The following VAV2 variants were observed in gnomAD, a reference collection of about 807,000 sequenced individuals.
VAV2 encodes the protein guanine nucleotide exchange factor VAV2.
A neutral mutation model predicts 132.5 loss-of-function variants in VAV2; 67 were observed. That is an observed-to-expected ratio of 0.51 (90% CI 0.42 to 0.62). The LOEUF is 0.62. Ranked by LOEUF, VAV2 falls within the 20% of genes least tolerant of loss-of-function variation. The probability of loss-of-function intolerance (pLI) is 0.00; values close to 1 mark genes in which losing one functional copy is unlikely to be tolerated. For missense variants in VAV2, 938 were observed against 1,153.6 expected, an observed-to-expected ratio of 0.81 and a Z score of 2.71; for synonymous variants, 492 against 443.5, an observed-to-expected ratio of 1.11 and a Z score of -1.37.
chr9:133,795,631 AC>A, intron 12 of VAV2, 36 bp downstream of exon 12: 6 of 1,611,058 alleles, frequency 3.7e-6, no homozygotes, highest in Non-Finnish European at 5.1e-6. Flanking sequence ...GCTAAGCCAG[AC>A]GGTGGCTTCT....
At chr9:133,904,479 C>T (rs765994868) in intron 2 of VAV2, among the ~76,000 whole-genome samples, 3 of 152,344 alleles carry the variant, frequency 2.0e-5, no homozygotes, top group South Asian at 2.1e-4. Flanking sequence ...ACGTGGAATT[C>T]GATGAGTGAG....
At chr9:133,954,798 T>G (rs1328663306) in intron 1 of VAV2, among the ~76,000 whole-genome samples, 1 of 152,104 alleles carries the variant, frequency 6.6e-6, no homozygotes, top group African/African-American at 2.4e-5. Flanking sequence ...ATGCTCATGA[T>G]GTATGTACCA....
intron 4 of VAV2, among the ~76,000 whole-genome samples, chr9:133,818,411 T>C (rs1322694712): frequency 2.0e-5 from 3 of 150,934 alleles, no homozygotes; most frequent in Non-Finnish European, 2.9e-5. Flanking sequence ...CTTCTGAAGT[T>C]GAGACATCCA....
intron 2 of VAV2, among the ~76,000 whole-genome samples, chr9:133,933,730 G>GTGGACGGA (rs1554812028): frequency 7.5e-6 from 1 of 132,582 alleles, no homozygotes; most frequent in South Asian, 2.6e-4. Flanking sequence ...TGGATGGATG[G>GTGGACGGA]TGGATGAATG....
intron 1 of VAV2, among the ~76,000 whole-genome samples, chr9:133,973,954 C>A (rs1842424234): frequency 6.6e-6 from 1 of 152,214 alleles, no homozygotes; most frequent in Non-Finnish European, 1.5e-5. Flanking sequence ...CAGGATCCAG[C>A]AGGTCAGAGT....
At position 133,918,490 on chromosome 9, in the gene VAV2, G is replaced by C. The variant is rs961691222; in HGVS notation, c.321+20613C>G. Reference sequence around the variant, plus strand: ...TCGGTGGCACCCATTGTAAGAGTCAGCCTGGAATCTCTGAGCCCCAACTAG... The same window carrying C: ...TCGGTGGCACCCATTGTAAGAGTCACCCTGGAATCTCTGAGCCCCAACTAG... On this transcript the variant is annotated intron_variant, in intron 2 of 29. Transcript: ENST00000371850. The surrounding 1 kb of genome is among the most constrained non-coding windows in gnomAD (Gnocchi z 4.7). Among the ~76,000 whole-genome samples, 2 of 145,524 alleles carry C rather than the reference G, an allele frequency of 1.4e-5. No individual in the cohort carries two copies. Among genetic ancestry groups the C allele is most frequent in the Admixed American group, 1.3e-4 (2 of 14,986 alleles).
rs911853669 is a variant in VAV2 at position 133,824,796 on chromosome 9, C to T, written c.449+9476G>A. 5.9e-5 allele frequency among the ~76,000 whole-genome samples: 9 copies of T among 152,202 alleles called. No individual in the cohort carries two copies. The highest frequency in any genetic ancestry group is 2.2e-4 in the African/African-American group (9 of 41,462). ...AGACAGAGCTGGGCTCAAATTGCAG[C>T]TCTGCCCCCTAGTTCTGTACGACTC... is the stretch of plus-strand genomic sequence containing the variant. On this transcript the variant is annotated intron_variant, in intron 4 of 29. Coordinates refer to ENST00000371850, the MANE Select transcript of VAV2 (RefSeq NM_001134398.2). This position sits in a 1 kb window ranked among gnomAD's most constrained non-coding sequence, Gnocchi z 5.2.
chr9:133,979,580 G>A (rs1181310147), intron 1 of VAV2, among the ~76,000 whole-genome samples: 1 of 152,186 alleles, frequency 6.6e-6, no homozygotes, highest in East Asian at 1.9e-4. Context: ...CTGCAGCAGA[G>A]ACACAGAGCC....
chr9:133,780,384 G>A lies in VAV2; in HGVS notation c.1740+310C>T, dbSNP rs527471988. Among the ~76,000 whole-genome samples, 7 of 152,342 alleles carry A rather than the reference G, an allele frequency of 4.6e-5. No homozygotes were observed. The East Asian group carries it at 1.2e-3, about 25-fold the overall frequency. ...CCACATCAGCTAAACAGAGGGCTCT[G>A]AGCCAACTGGGGGACTCGGGGGCAG... On this transcript the variant is annotated intron_variant, in intron 20 of 29. Coordinates refer to ENST00000371850, the MANE Select transcript of VAV2 (RefSeq NM_001134398.2).
intron 3 of VAV2, among the ~76,000 whole-genome samples, chr9:133,843,598 C>G (rs1836811599): frequency 6.6e-6 from 1 of 152,170 alleles, no homozygotes; most frequent in South Asian, 2.1e-4. Flanking sequence ...ACCCCCTGGC[C>G]TCAGCTCACT....
intron 3 of VAV2, 46 bp downstream of exon 3, chr9:133,861,328 G>A (rs764802210): frequency 2.5e-6 from 4 of 1,578,828 alleles, no homozygotes; most frequent in Non-Finnish European, 3.4e-6. Flanking sequence ...TGGTGTCGAT[G>A]GAGATGAAAG....
chr9:133,792,645 C>T (rs1053309363), intron 12 of VAV2, among the ~76,000 whole-genome samples: 17 of 151,480 alleles, frequency 1.1e-4, no homozygotes, highest in African/African-American at 4.1e-4. Context: ...TGTGCATGCA[C>T]GCACATACAT....
At chr9:133,846,755 G>A (rs1272096441) in intron 3 of VAV2, among the ~76,000 whole-genome samples, 7 of 152,218 alleles carry the variant, frequency 4.6e-5, no homozygotes, top group Non-Finnish European at 4.4e-5. Context: ...CCCTGAGACC[G>A]TGTCCCGGGA....
At chr9:133,984,396 G>A (rs113217241) in intron 1 of VAV2, among the ~76,000 whole-genome samples, 8 of 152,056 alleles carry the variant, frequency 5.3e-5, no homozygotes, top group Admixed American at 2.0e-4. Flanking sequence ...TGAGGATCAC[G>A]TGAGCCCAGG....
intron 1 of VAV2, among the ~76,000 whole-genome samples, chr9:133,948,433 G>A (rs1053768118): frequency 1.3e-5 from 2 of 152,220 alleles, no homozygotes; most frequent in Admixed American, 6.5e-5. Context: ...TGTTTTCTTC[G>A]TGCATATCAA....
At chr9:133,975,506 T>C (rs945663516) in intron 1 of VAV2, among the ~76,000 whole-genome samples, 2 of 152,158 alleles carry the variant, frequency 1.3e-5, no homozygotes, top group Non-Finnish European at 2.9e-5. Flanking sequence ...AAACACGACA[T>C]GTATTGCGGA....
intron 1 of VAV2, among the ~76,000 whole-genome samples, chr9:133,957,600 A>G (rs953653494): frequency 6.6e-6 from 1 of 152,104 alleles, no homozygotes; most frequent in African/African-American, 2.4e-5. Flanking sequence ...CCAGGGCAAG[A>G]GGGACGTCAT....
intron 18 of VAV2, among the ~76,000 whole-genome samples, chr9:133,784,116 G>T (rs372543545): frequency 1.1e-3 from 173 of 152,286 alleles, no homozygotes; most frequent in African/African-American, 3.9e-3. Context: ...CTGGGCTCAA[G>T]CGATTCGCCT....
At position 133,863,783 on chromosome 9, in the gene VAV2, G is replaced by A. The variant is rs1392987962; in HGVS notation, c.322-2351C>T. On this transcript the variant is annotated intron_variant, in intron 2 of 29. Transcript: ENST00000371850. The surrounding 1 kb of genome is among the most constrained non-coding windows in gnomAD (Gnocchi z 5.0). ...GGGAAGCTCAGAAGTCCACCACGGG[G>A]AACCACACTCCAGTGACCCAAAACC... Among the ~76,000 whole-genome samples, 2 of 152,160 alleles carry A rather than the reference G, an allele frequency of 1.3e-5. No individual in the cohort carries two copies. The highest frequency in any genetic ancestry group is 1.3e-4 in the Admixed American group (2 of 15,284).
Sources: allele counts gnomAD v4.1 joint callset (sites outside exome capture counted in the v4.1 genomes callset), GRCh38; gene constraint gnomAD v4.1.1; non-coding constraint Gnocchi (gnomAD v3.1); transcripts MANE v1.5; gene names NCBI Gene and HGNC (gene_info 2026-07-23, HGNC 2026-07-21).